The following GNAT3 variants were observed in gnomAD, a reference collection of about 807,000 sequenced individuals.
GNAT3 encodes guanine nucleotide-binding protein G(t) subunit alpha-3.
In GNAT3, 31 loss-of-function variants were observed where a neutral mutation model predicts 37.7. The observed-to-expected ratio is 0.82, with a 90% CI of 0.62 to 1.11. The LOEUF (loss-of-function observed/expected upper bound fraction) is 1.11. Among genes scored for constraint, GNAT3 ranks in the 50% most tolerant of loss-of-function variants. The probability of loss-of-function intolerance (pLI) is 0.00; values close to 1 mark genes in which losing one functional copy is unlikely to be tolerated. For synonymous variants in GNAT3, 138 were observed against 139.8 expected (o/e 0.99, Z 0.09); for missense variants, 437 against 412.5 (o/e 1.06, Z -0.51).
At chr7:80,480,621 TTGATGA>T (rs1790377788) in intron 3 of GNAT3, among the ~76,000 whole-genome samples, 1 of 152,152 alleles carries the variant, frequency 6.6e-6, no homozygotes, top group Non-Finnish European at 1.5e-5. Context: ...TTGTGGTTTC[TTGATGA>T]TATGCTAAAC....
intron 1 of GNAT3, among the ~76,000 whole-genome samples, chr7:80,507,788 A>G (rs1035184911): frequency 6.6e-6 from 1 of 152,036 alleles, no homozygotes; most frequent in Non-Finnish European, 1.5e-5. Flanking sequence ...GCCTTTAGAT[A>G]GCATCAAAAA....
At chr7:80,499,972 T>C (rs1460583201) in intron 1 of GNAT3, among the ~76,000 whole-genome samples, 1 of 152,178 alleles carries the variant, frequency 6.6e-6, no homozygotes, top group Non-Finnish European at 1.5e-5. Context: ...TCATATCCTT[T>C]TAAAGAAATA....
At chr7:80,471,450 T>C (rs1345282724) in intron 5 of GNAT3, among the ~76,000 whole-genome samples, 1 of 151,874 alleles carries the variant, frequency 6.6e-6, no homozygotes, top group Non-Finnish European at 1.5e-5. Flanking sequence ...CAGAGTGAAA[T>C]AGATGTCTCA....
chr7:80,496,696 A>G (rs193101703), intron 1 of GNAT3, among the ~76,000 whole-genome samples: 1 of 152,322 alleles, frequency 6.6e-6, no homozygotes, highest in African/African-American at 2.4e-5. Flanking sequence ...AAACAAATGA[A>G]TTCTTTGACT....
At chr7:80,460,325 G>A (rs553131695) in intron 7 of GNAT3, among the ~76,000 whole-genome samples, 1 of 152,262 alleles carries the variant, frequency 6.6e-6, no homozygotes, top group South Asian at 2.1e-4. Context: ...GAGGAGGGAG[G>A]AGGCATGAAT....
intron 5 of GNAT3, among the ~76,000 whole-genome samples, chr7:80,470,330 A>C (rs1584170782): frequency 6.6e-6 from 1 of 151,798 alleles, no homozygotes; most frequent in Non-Finnish European, 1.5e-5. Context: ...CAAGTGATTC[A>C]CCAGCCTCAG....
intron 7 of GNAT3, 65 bp from the exon 8 acceptor site, chr7:80,458,926 T>G (rs1790000875): frequency 9.3e-7 from 1 of 1,078,322 alleles, no homozygotes; most frequent in Non-Finnish European, 1.3e-6. Context: ...AGGCTATAAA[T>G]AATATCAGCA....
chr7:80,479,941 T>A (rs1173048214), intron 3 of GNAT3, among the ~76,000 whole-genome samples: 6 of 152,028 alleles, frequency 3.9e-5, no homozygotes, highest in Non-Finnish European at 7.4e-5. Flanking sequence ...AGGTGAGAGT[T>A]TTTTATGCAA....
rs554825526 is a variant in GNAT3, at chr7:80,506,529, A to C, written c.118+5280T>G. ...GATGGATAAATGCAACATTGTAAATATTTGGCAACTTTTCTGAAAACTGTA... is the reference window on the plus strand; with the variant it reads ...GATGGATAAATGCAACATTGTAAATCTTTGGCAACTTTTCTGAAAACTGTA... On this transcript the variant is annotated intron_variant, in intron 1 of 7. Transcript: ENST00000398291. Among the ~76,000 whole-genome samples the C allele has an allele frequency of 6.0e-4, 92 of 152,310 alleles. 1 individual carries two copies. The highest frequency in any genetic ancestry group is 2.2e-3 in the African/African-American group (91 of 41,576).
At chr7:80,492,865 A>G (rs1790620426) in intron 2 of GNAT3, among the ~76,000 whole-genome samples, 1 of 151,748 alleles carries the variant, frequency 6.6e-6, no homozygotes, top group East Asian at 1.9e-4. Context: ...ATTTACTACA[A>G]TGAAAAATTA....
intron 5 of GNAT3, among the ~76,000 whole-genome samples, chr7:80,465,892 A>G (rs1436125301): frequency 6.6e-6 from 1 of 152,124 alleles, no homozygotes; most frequent in Non-Finnish European, 1.5e-5. Flanking sequence ...TTTTTGGCAA[A>G]GAATTGTGAT....
At chr7:80,479,910 T>C (rs1196688506) in intron 3 of GNAT3, among the ~76,000 whole-genome samples, 1 of 152,076 alleles carries the variant, frequency 6.6e-6, no homozygotes, top group Non-Finnish European at 1.5e-5. Context: ...CATATGCCTT[T>C]GGAACAAATC....
At chr7:80,505,879 A>G (rs951167063) in intron 1 of GNAT3, among the ~76,000 whole-genome samples, 4 of 152,190 alleles carry the variant, frequency 2.6e-5, no homozygotes, top group Non-Finnish European at 4.4e-5. Context: ...CTACATTGAT[A>G]TATTTGCACA....
rs548744910 is a variant in GNAT3, at chr7:80,491,052, T to C, written c.162-2376A>G. Among the ~76,000 whole-genome samples the C allele has an allele frequency of 2.0e-5, 3 of 152,150 alleles. No individual in the cohort carries two copies. The South Asian group carries it at 6.2e-4, about 32-fold the overall frequency. ...TGAATTCAGGAGATAAAATCAGCTT[T>C]AAATGGATCAGTTCATGGCAGTGTG... On this transcript the variant is annotated intron_variant, in intron 2 of 7. Transcript: ENST00000398291.
intron 1 of GNAT3, among the ~76,000 whole-genome samples, chr7:80,503,376 CACAT>C (rs752773957): frequency 1.3e-5 from 2 of 152,258 alleles, no homozygotes; most frequent in East Asian, 1.9e-4. Context: ...TTAAAACTGA[CACAT>C]ACAAATAAAA....
chr7:80,475,214 G>GT lies in GNAT3; in HGVS notation c.462-836dup, dbSNP rs554988361. Among the ~76,000 whole-genome samples the GT allele has an allele frequency of 4.5e-4, 68 of 151,806 alleles. No individual in the cohort carries two copies. The South Asian group carries it at 0.014, about 30-fold the overall frequency. On this transcript the variant is annotated intron_variant, in intron 4 of 7. Coordinates refer to ENST00000398291, the MANE Select transcript of GNAT3 (RefSeq NM_001102386.3). Reference sequence around the variant, plus strand: ...TTAGTATTAACAGGCTGAATATGGTGTTTTTTTCCCCTCACAGGATCTAGG... The same window carrying GT: ...TTAGTATTAACAGGCTGAATATGGTGTTTTTTTTCCCCTCACAGGATCTAGG...
chr7:80,506,138 A>G (rs960033328), intron 1 of GNAT3, among the ~76,000 whole-genome samples: 2 of 152,218 alleles, frequency 1.3e-5, no homozygotes, highest in East Asian at 3.8e-4. Flanking sequence ...ATATTTTTAA[A>G]GATAAAATAT....
chr7:80,465,266 G>A (rs1317266592), intron 5 of GNAT3, among the ~76,000 whole-genome samples: 1 of 151,920 alleles, frequency 6.6e-6, no homozygotes, highest in African/African-American at 2.4e-5. Context: ...TATAAAATGT[G>A]GTGGAAATAG....
intron 1 of GNAT3, 25 bp downstream of exon 1, chr7:80,511,784 G>T: frequency 6.7e-7 from 1 of 1,490,478 alleles, no homozygotes; most frequent in Non-Finnish European, 9.3e-7. Flanking sequence ...TCAGGTTTTT[G>T]AAAGCAAAAG....
Sources: allele counts gnomAD v4.1 joint callset (sites outside exome capture counted in the v4.1 genomes callset), GRCh38; gene constraint gnomAD v4.1.1; transcripts MANE v1.5; gene names NCBI Gene and HGNC (gene_info 2026-07-23, HGNC 2026-07-21).